PRSS23: variants seen among roughly 807,000 people sequenced by gnomAD.
The protein encoded by PRSS23 is serine protease 23.
Under a neutral mutation model 34.7 loss-of-function variants are expected in PRSS23, and 25 were observed. The observed-to-expected ratio is 0.72, with a 90% confidence interval of 0.53 to 1.01. The LOEUF is 1.01. Ranked by LOEUF, PRSS23 falls within the 50% of genes least tolerant of loss-of-function variation. The probability of loss-of-function intolerance (pLI) is 0.00; values close to 1 mark genes in which losing one functional copy is unlikely to be tolerated. For synonymous variants in PRSS23, 176 were observed against 186.6 expected, an observed-to-expected ratio of 0.94 and a Z score of 0.46; for missense variants, 445 against 475.6, an observed-to-expected ratio of 0.94 and a Z score of 0.60.
At chr11:86,826,627 G>C (rs1948303363) in intron 2 of PRSS23, among the ~76,000 whole-genome samples, 1 of 152,154 alleles carries the variant, frequency 6.6e-6, no homozygotes, top group South Asian at 2.1e-4. Flanking sequence ...TTGGCTGTGG[G>C]TTTGTCATAG....
rs762873660 is a variant in PRSS23, at chr11:86,809,650, T to TCCCAG, written c.*857_*861dup. 6.0e-6 allele frequency: 1 copy of TCCCAG among 167,012 alleles called. No individual in the cohort carries two copies. The highest frequency in any genetic ancestry group is 1.5e-5 in the Non-Finnish European group (1 of 68,102). 10.3% of individuals were successfully genotyped at this position (167,012 alleles called of 1,614,324 possible). ...CTTAATTAGAACAGGCTGTATTTCC[T>TCCCAG]CCCAGCAAACAGTTGTGGCCACACT... On this transcript the variant is annotated 3_prime_UTR_variant, in exon 2 of 2. Transcript: ENST00000280258.
At chr11:86,901,854 C>A (rs1286757360) in intron 2 of PRSS23, among the ~76,000 whole-genome samples, 3 of 152,152 alleles carry the variant, frequency 2.0e-5, no homozygotes, top group Admixed American at 2.0e-4. Context: ...CTTTGGTTTT[C>A]CACTAATTAT....
At chr11:86,803,589 C>A (rs1467068806) in intron 1 of PRSS23, among the ~76,000 whole-genome samples, 1 of 152,080 alleles carries the variant, frequency 6.6e-6, no homozygotes, top group South Asian at 2.1e-4. Flanking sequence ...TTTATTAATG[C>A]GGATGAGTCA....
Position 86,808,494 on chromosome 11 carries a change from A to G in PRSS23, c.851A>G (p.Asn284Ser), listed in dbSNP as rs755185649. 18 of 1,614,242 alleles carry G rather than the reference A, an allele frequency of 1.1e-5. No individual in the cohort carries two copies. The highest frequency in any genetic ancestry group is 5.0e-5 in the Admixed American group (3 of 60,028). The change falls in exon 2 of 2, where the codon AAT (asparagine) becomes AGT (serine). Residue 284 changes from asparagine to serine, a missense_variant. By Grantham distance (46) the Asn-to-Ser change is conservative. Transcript: ENST00000280258. The part of the protein sequence containing the change: ...GGRIHFSGYD[N>S]DRPGNLVYRF... ...AGAATTCACTTCTCTGGTTATGACAATGACCGACCAGGCAATTTGGTGTAT... is the reference window on the plus strand; with the variant it reads ...AGAATTCACTTCTCTGGTTATGACAGTGACCGACCAGGCAATTTGGTGTAT...
intron 1 of PRSS23, among the ~76,000 whole-genome samples, chr11:86,801,961 A>G (rs576652508): frequency 2.6e-5 from 4 of 152,210 alleles, no homozygotes; most frequent in African/African-American, 4.8e-5. Context: ...AAGGTGCCTA[A>G]TATGGATCTC....
chr11:86,925,949 A>G (rs550127554), intron 2 of PRSS23, among the ~76,000 whole-genome samples: 1 of 152,342 alleles, frequency 6.6e-6, no homozygotes, highest in African/African-American at 2.4e-5. Context: ...ACTGAAAATG[A>G]GTTGAGTGAC....
chr11:86,926,881 T>C (rs921188180), intron 2 of PRSS23, among the ~76,000 whole-genome samples: 3 of 152,210 alleles, frequency 2.0e-5, no homozygotes, highest in African/African-American at 7.2e-5. Context: ...ACTATGTTTA[T>C]CTGCAAAAAG....
chr11:86,801,754 G>T (rs1948041697), intron 1 of PRSS23, among the ~76,000 whole-genome samples: 1 of 152,206 alleles, frequency 6.6e-6, no homozygotes, highest in Admixed American at 6.5e-5. Context: ...CATGAAGTCT[G>T]TCAGGAGTGG....
At chr11:86,861,662 C>T (rs1448150397) in intron 2 of PRSS23, among the ~76,000 whole-genome samples, 1 of 151,526 alleles carries the variant, frequency 6.6e-6, no homozygotes, top group African/African-American at 2.4e-5. Flanking sequence ...AGTGTACACC[C>T]CCCTATGATA....
At chr11:86,831,694 A>G (rs1948357717) in intron 2 of PRSS23, among the ~76,000 whole-genome samples, 1 of 151,448 alleles carries the variant, frequency 6.6e-6, no homozygotes. Context: ...GGGGGTGTAC[A>G]CACTGTGATG....
chr11:86,908,647 G>T lies in PRSS23; in HGVS notation c.207-42569G>T, dbSNP rs531743139. ...TAATAGTAATTACAGAAACTTTGCGGTCCATATAATCTGTAGAAACATGGA... is the reference window on the plus strand; with the variant it reads ...TAATAGTAATTACAGAAACTTTGCGTTCCATATAATCTGTAGAAACATGGA... On this transcript the variant is annotated intron_variant, in intron 2 of 2. Transcript: ENST00000533902. Among the ~76,000 whole-genome samples the T allele has an allele frequency of 9.9e-5, 15 of 152,096 alleles. 1 individual carries two copies. In the South Asian group the frequency reaches 3.1e-3, roughly 32 times the overall value.
At chr11:86,951,301 C>T (rs563169065) in exon 3 of PRSS23, 2 of 1,614,156 alleles carry the variant, frequency 1.2e-6, no homozygotes, top group Non-Finnish European at 1.7e-6. Flanking sequence ...TGCCCACCAA[C>T]AAAGACATAA....
chr11:86,952,513 C>G, exon 3 of PRSS23: 2 of 1,601,570 alleles, frequency 1.2e-6, no homozygotes, highest in South Asian at 2.2e-5. Flanking sequence ...AAAACAATGA[C>G]TTGGAAGTTT....
intron 2 of PRSS23, among the ~76,000 whole-genome samples, chr11:86,873,956 G>T (rs576487287): frequency 6.6e-6 from 1 of 152,282 alleles, no homozygotes; most frequent in African/African-American, 2.4e-5. Context: ...TGAGTCCTAT[G>T]AGCAGTTCTG....
intron 2 of PRSS23, among the ~76,000 whole-genome samples, chr11:86,833,686 C>G (rs1325609424): frequency 1.3e-5 from 2 of 152,044 alleles, no homozygotes; most frequent in East Asian, 1.9e-4. Context: ...TTAGTAAGCT[C>G]TCTTATTGGT....
At chr11:86,867,445 C>G (rs1948657015) in intron 2 of PRSS23, among the ~76,000 whole-genome samples, 1 of 152,204 alleles carries the variant, frequency 6.6e-6, no homozygotes, top group Non-Finnish European at 1.5e-5. Flanking sequence ...CAGGGCCTTG[C>G]CTTCATCATC....
At chr11:86,833,910 A>T (rs1004144050) in intron 2 of PRSS23, among the ~76,000 whole-genome samples, 1 of 152,122 alleles carries the variant, frequency 6.6e-6, no homozygotes, top group Non-Finnish European at 1.5e-5. Context: ...GGGGTTGTGC[A>T]GTTGAGATTT....
At chr11:86,827,618 C>A (rs1324537282) in intron 2 of PRSS23, among the ~76,000 whole-genome samples, 3 of 152,052 alleles carry the variant, frequency 2.0e-5, no homozygotes, top group African/African-American at 7.2e-5. Flanking sequence ...CCTGCTTTCT[C>A]TTGTGGGCAT....
At chr11:86,888,308 C>T (rs1948819034) in intron 2 of PRSS23, among the ~76,000 whole-genome samples, 1 of 152,102 alleles carries the variant, frequency 6.6e-6, no homozygotes, top group Non-Finnish European at 1.5e-5. Flanking sequence ...AGAACACATG[C>T]TATTGTTTGC....
Sources: gnomAD v4.1 joint callset for allele counts (sites outside exome capture counted in the v4.1 genomes callset) on GRCh38, gnomAD v4.1.1 for gene constraint, MANE v1.5 for transcripts, NCBI Gene and HGNC (gene_info 2026-07-23, HGNC 2026-07-21) for gene names.